The following PATJ variants were observed in gnomAD, a reference collection of about 807,000 sequenced individuals.
The protein encoded by PATJ is inaD-like protein.
Under a neutral mutation model 224.9 loss-of-function variants are expected in PATJ, and 190 were observed. That is an observed-to-expected ratio of 0.84 (90% CI 0.75 to 0.95). The LOEUF (loss-of-function observed/expected upper bound fraction) is 0.95, where lower values mean the gene tolerates loss of function less well. Ranked by LOEUF, PATJ falls within the 40% of genes least tolerant of loss-of-function variation. The pLI is 0.00. For synonymous variants in PATJ, 769 were observed against 820.3 expected, an observed-to-expected ratio of 0.94 and a Z score of 1.07; for missense variants, 2,121 against 2,270.3, an observed-to-expected ratio of 0.93 and a Z score of 1.34.
In PATJ at chr1:62,022,266, G is replaced by A. The variant is rs559707167; in HGVS notation, c.3959+4319G>A. 5.9e-5 allele frequency among the ~76,000 whole-genome samples: 9 copies of A among 152,276 alleles called. No homozygotes were observed. In the South Asian group the frequency reaches 6.2e-4, roughly 11 times the overall value. ...CTAATTTATCTATAATTGGCAAGGG[G>A]TCTGTGTGTCATTAGCACAAATCAG... is the stretch of plus-strand genomic sequence containing the variant. On this transcript the variant is annotated intron_variant, in intron 29 of 43. Transcript: ENST00000642238.
chr1:61,857,240 TTTATTA>T (rs1351306124), intron 18 of PATJ, among the ~76,000 whole-genome samples: 2 of 152,182 alleles, frequency 1.3e-5, no homozygotes, highest in Non-Finnish European at 2.9e-5. Context: ...TTCAGCCAGT[TTTATTA>T]TTATTAAGTG....
At chr1:61,866,146 T>G (rs1383814065) in intron 20 of PATJ, among the ~76,000 whole-genome samples, 3 of 152,222 alleles carry the variant, frequency 2.0e-5, no homozygotes, top group Non-Finnish European at 4.4e-5. Context: ...TGTCAGTGCT[T>G]AACGCCAAAC....
chr1:62,103,071 A>C (rs1662421940), intron 33 of PATJ, among the ~76,000 whole-genome samples: 1 of 152,050 alleles, frequency 6.6e-6, no homozygotes, highest in Non-Finnish European at 1.5e-5. Context: ...CACTCTCTGT[A>C]AAATAATCAA....
chr1:62,117,087 A>G (rs367627633), intron 36 of PATJ, 45 bp from the exon 37 acceptor site: 1 of 1,488,656 alleles, frequency 6.7e-7, no homozygotes, highest in Non-Finnish European at 9.3e-7. Context: ...TTCAGAATAT[A>G]AATGCTACTA....
intron 33 of PATJ, among the ~76,000 whole-genome samples, chr1:62,105,460 A>G (rs1015011098): frequency 1.3e-5 from 2 of 152,166 alleles, no homozygotes; most frequent in African/African-American, 4.8e-5. Context: ...AGTCTGCATT[A>G]GTTTCTCCTC....
chr1:61,814,130 CTTTTTTTTTTTTT>C (rs762502160), intron 14 of PATJ, among the ~76,000 whole-genome samples: 3 of 85,900 alleles, frequency 3.5e-5, no homozygotes, highest in African/African-American at 1.4e-4. Flanking sequence ...TTATTCTCTT[CTTTTTTTTTTTTT>C]TTTTTTTTTT....
intron 17 of PATJ, among the ~76,000 whole-genome samples, chr1:61,853,221 C>T (rs1375470180): frequency 6.6e-6 from 1 of 152,116 alleles, no homozygotes; most frequent in Non-Finnish European, 1.5e-5. Context: ...ATATATTCAC[C>T]TTTCAAGGGT....
intron 27 of PATJ, among the ~76,000 whole-genome samples, chr1:61,973,416 C>T (rs1265050338): frequency 6.6e-6 from 1 of 152,054 alleles, no homozygotes; most frequent in Non-Finnish European, 1.5e-5. Context: ...AGAAGTTCCA[C>T]GCTATCAGTC....
rs182170007 is a variant in PATJ, at chr1:62,152,392, C to T, written c.5379-966C>T. Among the ~76,000 whole-genome samples the T allele has an allele frequency of 9.1e-3, 1,379 of 152,132 alleles. 25 individuals are homozygous for T. Among genetic ancestry groups the T allele is most frequent in the African/African-American group, 0.032 (1,317 of 41,510 alleles). On this transcript the variant is annotated intron_variant, in intron 42 of 43. Transcript: ENST00000642238. ...GCAGCAGTCTGAGTGCGGCAGCTCA[C>T]GCCTGGAATCCCAGCACTTTGGGAG...
intron 1 of PATJ, among the ~76,000 whole-genome samples, chr1:61,749,734 A>G (rs193203863): frequency 9.9e-5 from 15 of 151,380 alleles, no homozygotes; most frequent in Middle Eastern, 3.4e-3. Context: ...TATGGAGTGC[A>G]GTGGTGTGAT....
At chr1:61,899,534 A>G in intron 22 of PATJ, 49 bp from the exon 23 acceptor site, 2 of 1,279,222 alleles carry the variant, frequency 1.6e-6, no homozygotes, top group Admixed American at 2.2e-5. Context: ...ACCTTTAATA[A>G]TGAGTATGCC....
intron 27 of PATJ, among the ~76,000 whole-genome samples, chr1:61,962,030 C>T (rs1352478379): frequency 6.6e-6 from 1 of 151,462 alleles, no homozygotes; most frequent in Non-Finnish European, 1.5e-5. Context: ...TTGGTTGCAG[C>T]CCTATGTGTT....
intron 29 of PATJ, among the ~76,000 whole-genome samples, chr1:62,033,988 G>A (rs1218130147): frequency 6.6e-6 from 1 of 152,142 alleles, no homozygotes; most frequent in Non-Finnish European, 1.5e-5. Flanking sequence ...AGTGTTCCGT[G>A]CTCTGGAAAA....
intron 26 of PATJ, among the ~76,000 whole-genome samples, chr1:61,924,090 G>A (rs937035052): frequency 2.0e-5 from 3 of 151,998 alleles, no homozygotes; most frequent in African/African-American, 4.8e-5. Flanking sequence ...AGAAATACTG[G>A]CCAGGCACAA....
intron 30 of PATJ, among the ~76,000 whole-genome samples, chr1:62,040,756 A>G (rs1651329193): frequency 6.6e-6 from 1 of 152,152 alleles, no homozygotes; most frequent in South Asian, 2.1e-4. Context: ...GATGCAGTAG[A>G]AGCCACTGGA....
At chr1:62,015,074 C>T (rs540271654) in intron 28 of PATJ, among the ~76,000 whole-genome samples, 16 of 151,872 alleles carry the variant, frequency 1.1e-4, no homozygotes, top group Non-Finnish European at 2.1e-4. Flanking sequence ...CCGAGGAGGG[C>T]GGACCACCTG....
intron 17 of PATJ, among the ~76,000 whole-genome samples, chr1:61,835,585 G>A (rs984613869): frequency 2.6e-5 from 4 of 151,854 alleles, no homozygotes; most frequent in Non-Finnish European, 5.9e-5. Context: ...TCTATTTTTC[G>A]TAGAGATGGG....
chr1:61,895,666 G>A (rs1670260315), intron 22 of PATJ, among the ~76,000 whole-genome samples: 1 of 152,232 alleles, frequency 6.6e-6, no homozygotes, highest in South Asian at 2.1e-4. Context: ...AGTCAACTCG[G>A]GCAGAGCCCT....
chr1:61,754,997 C>CATTAA (rs748368644), intron 1 of PATJ, among the ~76,000 whole-genome samples: 1 of 151,886 alleles, frequency 6.6e-6, no homozygotes, highest in Non-Finnish European at 1.5e-5. Context: ...CAAGATGATC[C>CATTAA]ATTAAGAGGT....
Sources: allele counts gnomAD v4.1 joint callset (sites outside exome capture counted in the v4.1 genomes callset), GRCh38; gene constraint gnomAD v4.1.1; transcripts MANE v1.5; gene names NCBI Gene and HGNC (gene_info 2026-07-23, HGNC 2026-07-21).